STAB2: variants seen among roughly 807,000 people sequenced by gnomAD.
The protein encoded by STAB2 is stabilin 2.
A neutral mutation model predicts 338.1 loss-of-function variants in STAB2; 288 were observed. That is an observed-to-expected ratio of 0.85 (90% CI 0.77 to 0.94). The LOEUF (loss-of-function observed/expected upper bound fraction) is 0.94, where lower values mean the gene tolerates loss of function less well. Ranked by LOEUF, STAB2 falls within the 40% of genes least tolerant of loss-of-function variation. The pLI, the probability that STAB2 is intolerant of heterozygous loss-of-function variation, is 0.00. For synonymous variants in STAB2, 1,202 were observed against 1,193.3 expected (o/e 1.01, Z -0.15); for missense variants, 3,141 against 3,210.1 (o/e 0.98, Z 0.52).
intron 3 of STAB2, among the ~76,000 whole-genome samples, chr12:103,619,666 G>A (rs187397207): frequency 2.2e-4 from 34 of 151,802 alleles, no homozygotes; most frequent in East Asian, 9.7e-4. Flanking sequence ...ATCAGCTTCC[G>A]AATAAAATCT....
rs1008390118 is a variant in STAB2, at chr12:103,766,493, G to A, written c.*157G>A. ...TGATCTGGGGGTTGTTTCTGTGGGT[G>A]AGAGATGTGTTGCTGTGCCCACCCA... On this transcript the variant is annotated 3_prime_UTR_variant, in exon 69 of 69. Coordinates refer to ENST00000388887, the MANE Select transcript of STAB2 (RefSeq NM_017564.10). 2 of 835,656 alleles carry A rather than the reference G, an allele frequency of 2.4e-6. No individual in the cohort carries two copies. Among genetic ancestry groups the A allele is most frequent in the African/African-American group, 1.7e-5 (1 of 57,978 alleles). 51.8% of individuals were successfully genotyped at this position (835,656 alleles called of 1,614,324 possible).
At chr12:103,660,501 C>T in intron 16 of STAB2, 117 bp downstream of exon 16, 5 of 1,367,716 alleles carry the variant, frequency 3.7e-6, no homozygotes, top group Non-Finnish European at 5.2e-6. Flanking sequence ...CTGAATAAAC[C>T]CTCAGCCATG....
intron 39 of STAB2, among the ~76,000 whole-genome samples, chr12:103,710,706 C>T (rs555474897): frequency 1.3e-5 from 2 of 152,304 alleles, no homozygotes; most frequent in South Asian, 4.2e-4. Flanking sequence ...CCATTCCAGC[C>T]CATTTGAGTC....
At chr12:103,607,225 CA>C (rs1409510553) in intron 3 of STAB2, among the ~76,000 whole-genome samples, 2 of 151,882 alleles carry the variant, frequency 1.3e-5, no homozygotes, top group African/African-American at 2.4e-5. Context: ...ATTTTGGCCA[CA>C]TTTTTTTTTC....
chr12:103,688,027 G>GAGGC, intron 27 of STAB2, 141 bp from the exon 28 acceptor site: 1 of 733,938 alleles, frequency 1.4e-6, no homozygotes, highest in Non-Finnish European at 2.4e-6. Flanking sequence ...CAGCATCAGG[G>GAGGC]AGGCAGGCCA....
intron 64 of STAB2, 120 bp from the exon 65 acceptor site, chr12:103,759,013 C>A: frequency 6.5e-7 from 1 of 1,531,414 alleles, no homozygotes; most frequent in Non-Finnish European, 9.0e-7. Context: ...TCCTGATCTC[C>A]ACATGGAGGC....
intron 50 of STAB2, among the ~76,000 whole-genome samples, chr12:103,732,138 G>A (rs567238581): frequency 4.0e-5 from 6 of 151,872 alleles, no homozygotes; most frequent in Admixed American, 2.6e-4. Context: ...GTGAAACTCT[G>A]TCTCTACTAA....
chr12:103,703,205 A>G lies in STAB2; in HGVS notation c.3772A>G (p.Ile1258Val). The G allele has an allele frequency of 6.2e-7, 1 of 1,614,108 alleles. No individual in the cohort carries two copies. The highest frequency in any genetic ancestry group is 8.5e-7 in the Non-Finnish European group (1 of 1,180,028). Residue 1258 changes from isoleucine (I) to valine (V), a missense_variant, in exon 35 of 69, where the codon ATC becomes GTC. Transcript: ENST00000388887. ...YTNVATDKGV[I>V]HGLGKVLEIQ... ...CAATGTAGCCACTGATAAGGGAGTG[A>G]TCCATGGCTTGGGAAAAGTTCTGGA...
At chr12:103,687,088 T>A (rs1877501871) in intron 27 of STAB2, among the ~76,000 whole-genome samples, 1 of 152,276 alleles carries the variant, frequency 6.6e-6, no homozygotes, top group Non-Finnish European at 1.5e-5. Context: ...ATTGTATTCA[T>A]GTAAATTTGC....
intron 4 of STAB2, among the ~76,000 whole-genome samples, chr12:103,620,884 G>T (rs1161517933): frequency 6.6e-6 from 1 of 152,166 alleles, no homozygotes; most frequent in Non-Finnish European, 1.5e-5. Context: ...GGATCACGAG[G>T]TCAGGAGATC....
intron 56 of STAB2, 23 bp downstream of exon 56, chr12:103,742,577 G>A (rs368786238): frequency 6.8e-6 from 11 of 1,613,748 alleles, no homozygotes; most frequent in Non-Finnish European, 8.5e-6. Context: ...GCTTCTCCGT[G>A]CTAGAGCTTG....
intron 46 of STAB2, among the ~76,000 whole-genome samples, chr12:103,726,465 T>C (rs574417068): frequency 4.6e-5 from 7 of 152,338 alleles, no homozygotes; most frequent in African/African-American, 9.6e-5. Flanking sequence ...CACTCCAGCC[T>C]AGGTGACAGA....
chr12:103,735,726 A>C, intron 52 of STAB2, 146 bp downstream of exon 52: 1 of 648,098 alleles, frequency 1.5e-6, no homozygotes. Flanking sequence ...CTTCAGAGGT[A>C]TTTTTCCTGA....
chr12:103,603,010 G>T (rs1415869661), intron 3 of STAB2, among the ~76,000 whole-genome samples: 1 of 152,034 alleles, frequency 6.6e-6, no homozygotes, highest in African/African-American at 2.4e-5. Flanking sequence ...TCAAAGCTTT[G>T]TAGTTGGCTT....
rs137918398 is a variant in STAB2 at position 103,715,956 on chromosome 12, C to G, written c.4611+68C>G. The G allele has an allele frequency of 1.0e-5, 16 of 1,525,286 alleles. No individual in the cohort carries two copies. The East Asian group carries it at 3.4e-4, about 32-fold the overall frequency. 94.5% of individuals were successfully genotyped at this position (1,525,286 alleles called of 1,614,324 possible). ...AACTCCTAGGTCTTTAGACACAGGC[C>G]TGAGAGAAAGAGGCTGAGAACGGAC... On this transcript the variant is annotated intron_variant, in intron 43 of 68. Coordinates refer to ENST00000388887, the MANE Select transcript of STAB2 (RefSeq NM_017564.10).
At chr12:103,730,606 G>C (rs140150584) in intron 49 of STAB2, among the ~76,000 whole-genome samples, 1 of 152,066 alleles carries the variant, frequency 6.6e-6, no homozygotes, top group East Asian at 1.9e-4. Context: ...TATAGGTCAA[G>C]GTCTTCCACA....
chr12:103,695,479 T>C, intron 31 of STAB2, 71 bp from the exon 32 acceptor site: 1 of 1,432,932 alleles, frequency 7.0e-7, no homozygotes, highest in South Asian at 1.2e-5. Flanking sequence ...GGCATTAGAC[T>C]CTCCTATGTA....
At chr12:103,654,377 C>T (rs1477371316) in intron 12 of STAB2, among the ~76,000 whole-genome samples, 178 bp from the exon 13 acceptor site, 1 of 152,148 alleles carries the variant, frequency 6.6e-6, no homozygotes, top group Non-Finnish European at 1.5e-5. Flanking sequence ...TTAATGAAAA[C>T]CCTGTGAGGT....
chr12:103,637,006 C>A, intron 6 of STAB2, 105 bp from the exon 7 acceptor site: 1 of 1,259,502 alleles, frequency 7.9e-7, no homozygotes, highest in Non-Finnish European at 1.1e-6. Context: ...TAAATTATTA[C>A]AATGAGTTTG....
Sources: gnomAD v4.1 joint callset for allele counts (sites outside exome capture counted in the v4.1 genomes callset) on GRCh38, gnomAD v4.1.1 for gene constraint, MANE v1.5 for transcripts, NCBI Gene and HGNC (gene_info 2026-07-23, HGNC 2026-07-21) for gene names.